ASAP2: variants seen among roughly 807,000 people sequenced by gnomAD.
ASAP2 encodes arf-GAP with SH3 domain, ANK repeat and PH domain-containing protein 2.
A neutral mutation model predicts 131.4 loss-of-function variants in ASAP2; 45 were observed. That is an observed-to-expected ratio of 0.34 (90% CI 0.27 to 0.44). The LOEUF (loss-of-function observed/expected upper bound fraction) is 0.44. Among genes scored for constraint, ASAP2 ranks in the 20% least tolerant of loss-of-function variants. The pLI, the probability that ASAP2 is intolerant of heterozygous loss-of-function variation, is 1.00. For synonymous variants in ASAP2, 510 were observed against 503.0 expected (o/e 1.01, Z -0.19); for missense variants, 1,011 against 1,297.0 (o/e 0.78, Z 3.39).
intron 2 of ASAP2, 56 bp from the exon 3 acceptor site, chr2:9,297,244 T>A: frequency 1.3e-6 from 2 of 1,590,246 alleles, no homozygotes; most frequent in Non-Finnish European, 1.7e-6. Flanking sequence ...AAGAACCTGG[T>A]GGGGAGTGAG....
At chr2:9,285,791 C>T (rs1667420810) in intron 2 of ASAP2, among the ~76,000 whole-genome samples, 1 of 152,224 alleles carries the variant, frequency 6.6e-6, no homozygotes, top group African/African-American at 2.4e-5. Context: ...CTTGTTAGAA[C>T]ATTCTTATCG....
chr2:9,376,983 G>T lies in ASAP2; in HGVS notation c.1822G>T (p.Val608Phe). 1 of 1,613,552 alleles carries T rather than the reference G, an allele frequency of 6.2e-7. No homozygotes were observed. Among genetic ancestry groups the T allele is most frequent in the Non-Finnish European group, 8.5e-7 (1 of 1,179,536 alleles). ...CTCTCTTCACATTGTAGACTTTTTAGTTCAGAACAGGTAGGTGTTCTGAAA... is the reference window on the plus strand; with the variant it reads ...CTCTCTTCACATTGTAGACTTTTTATTTCAGAACAGGTAGGTGTTCTGAAA... ...RTSLHIVDFL[V>F]QNSGNLDKQT... The change falls in exon 18 of 28, where the codon GTT becomes TTT. Residue 608 changes from valine to phenylalanine, a missense_variant. Coordinates refer to ENST00000281419, the MANE Select transcript of ASAP2 (RefSeq NM_003887.3).
chr2:9,362,108 A>G (rs1673132902), intron 15 of ASAP2, among the ~76,000 whole-genome samples: 1 of 152,124 alleles, frequency 6.6e-6, no homozygotes, highest in African/African-American at 2.4e-5. Flanking sequence ...AATGGTCCCC[A>G]TGTGCTAGCA....
At chr2:9,313,181 GCCGA>G (rs1360732672) in intron 3 of ASAP2, among the ~76,000 whole-genome samples, 2 of 152,202 alleles carry the variant, frequency 1.3e-5, no homozygotes, top group South Asian at 2.1e-4. Context: ...ACGAAAGCAA[GCCGA>G]CCAAGTGGGT....
At chr2:9,357,666 A>G (rs906486073) in intron 14 of ASAP2, among the ~76,000 whole-genome samples, 1 of 152,188 alleles carries the variant, frequency 6.6e-6, no homozygotes, top group Admixed American at 6.5e-5. Context: ...AGTGTGGGTA[A>G]TATAAAAATG....
At chr2:9,330,222 T>G (rs1670740569) in intron 7 of ASAP2, among the ~76,000 whole-genome samples, 1 of 152,110 alleles carries the variant, frequency 6.6e-6, no homozygotes, top group Non-Finnish European at 1.5e-5. Flanking sequence ...AAAAGAGAGC[T>G]TCAGCCATTT....
chr2:9,280,281 GGGA>G (rs1035566393), intron 2 of ASAP2, among the ~76,000 whole-genome samples: 37 of 152,312 alleles, frequency 2.4e-4, no homozygotes, highest in African/African-American at 7.9e-4. Context: ...CAGGAGGACA[GGGA>G]GTGCCTTAGA....
intron 1 of ASAP2, among the ~76,000 whole-genome samples, chr2:9,264,819 A>G (rs1665830279): frequency 6.6e-6 from 1 of 152,192 alleles, no homozygotes; most frequent in Admixed American, 6.5e-5. Context: ...AAAATATCCA[A>G]TAAAAACTAA....
chr2:9,266,328 G>A (rs1474216000), intron 1 of ASAP2, among the ~76,000 whole-genome samples: 1 of 151,888 alleles, frequency 6.6e-6, no homozygotes, highest in Non-Finnish European at 1.5e-5. Flanking sequence ...TTTACTTTTT[G>A]TAGAGATGGG....
intron 1 of ASAP2, among the ~76,000 whole-genome samples, chr2:9,238,589 GT>G (rs1279620017): frequency 6.6e-6 from 1 of 152,194 alleles, no homozygotes; most frequent in African/African-American, 2.4e-5. Flanking sequence ...CATAGCACTG[GT>G]TTAAGTACAG....
chr2:9,266,274 GTA>G (rs1440655387), intron 1 of ASAP2, among the ~76,000 whole-genome samples: 28 of 151,182 alleles, frequency 1.9e-4, no homozygotes, highest in Non-Finnish European at 3.2e-4. Flanking sequence ...AGCCTCACCA[GTA>G]ACTGGGACCA....
At chr2:9,244,966 G>A (rs1046365049) in intron 1 of ASAP2, among the ~76,000 whole-genome samples, 3 of 152,172 alleles carry the variant, frequency 2.0e-5, no homozygotes, top group African/African-American at 7.2e-5. Context: ...TGGTGTGTGA[G>A]CTCAGTTGCT....
At position 9,334,024 on chromosome 2, in the gene ASAP2, G is replaced by C. The variant is rs371656952; in HGVS notation, c.687-714G>C. On this transcript the variant is annotated intron_variant, in intron 7 of 27. Coordinates refer to ENST00000281419, the MANE Select transcript of ASAP2 (RefSeq NM_003887.3). ...TTCTGCATTATTTCTCTCTCTCTCT[G>C]TCTCTGTCTTTCTCCTTTTTTTTTT... is the stretch of plus-strand genomic sequence containing the variant. 2.5e-3 allele frequency among the ~76,000 whole-genome samples: 348 copies of C among 138,168 alleles called. 3 individuals carry two copies. Among genetic ancestry groups the C allele is most frequent in the African/African-American group, 8.2e-3 (302 of 36,740 alleles). 90.6% of individuals were successfully genotyped at this position (138,168 alleles called of 152,430 possible).
intron 11 of ASAP2, among the ~76,000 whole-genome samples, chr2:9,347,519 A>G (rs1305795431): frequency 6.6e-6 from 1 of 152,218 alleles, no homozygotes; most frequent in Non-Finnish European, 1.5e-5. Context: ...GGTCTTTAAG[A>G]AATGGAAGCA....
chr2:9,235,920 T>A (rs1663520048), intron 1 of ASAP2, among the ~76,000 whole-genome samples: 1 of 152,134 alleles, frequency 6.6e-6, no homozygotes, highest in Non-Finnish European at 1.5e-5. Flanking sequence ...CCCAGGGGAC[T>A]TCTGGCAAGG....
intron 2 of ASAP2, among the ~76,000 whole-genome samples, chr2:9,288,332 A>T (rs1341020115): frequency 6.6e-6 from 1 of 152,162 alleles, no homozygotes; most frequent in Non-Finnish European, 1.5e-5. Flanking sequence ...TCATCTCCAC[A>T]GTGTTCATGG....
intron 1 of ASAP2, among the ~76,000 whole-genome samples, chr2:9,278,512 CAAAA>C (rs543049325): frequency 1.8e-5 from 2 of 113,908 alleles, no homozygotes; most frequent in Non-Finnish European, 3.7e-5. Flanking sequence ...GACCCCTTCT[CAAAA>C]AAAAAAAAAA....
At chr2:9,208,891 T>C (rs1458926087) in intron 1 of ASAP2, among the ~76,000 whole-genome samples, 4 of 152,260 alleles carry the variant, frequency 2.6e-5, no homozygotes, top group Non-Finnish European at 5.9e-5. Context: ...AGCTTGATTA[T>C]GTTTAAAGTT....
intron 15 of ASAP2, among the ~76,000 whole-genome samples, chr2:9,359,863 T>A (rs1205719534): frequency 6.6e-6 from 1 of 152,226 alleles, no homozygotes; most frequent in Non-Finnish European, 1.5e-5. Context: ...GAAACTACAG[T>A]GGATCCTGGC....
Sources: gnomAD v4.1 joint callset for allele counts (sites outside exome capture counted in the v4.1 genomes callset) on GRCh38, gnomAD v4.1.1 for gene constraint, MANE v1.5 for transcripts, NCBI Gene and HGNC (gene_info 2026-07-23, HGNC 2026-07-21) for gene names.